MR1: variants seen among roughly 807,000 people sequenced by gnomAD.
MR1 encodes major histocompatibility complex class I-related protein 1.
MR1 carries 44 observed loss-of-function variants against 37.8 expected under a neutral mutation model. That is an observed-to-expected ratio of 1.16 (90% CI 0.91 to 1.50). The LOEUF (loss-of-function observed/expected upper bound fraction) is 1.50, where lower values mean the gene tolerates loss of function less well. Ranked by LOEUF, MR1 falls within the 40% of genes most tolerant of loss-of-function variation. MR1 has a pLI of 0.00. For synonymous variants in MR1, 153 were observed against 155.8 expected, an observed-to-expected ratio of 0.98 and a Z score of 0.13; for missense variants, 386 against 419.1, an observed-to-expected ratio of 0.92 and a Z score of 0.69.
Position 181,059,275 on chromosome 1 carries a change from T to A in MR1, c.*4010T>A, listed in dbSNP as rs577486139. On this transcript the variant is annotated 3_prime_UTR_variant, in exon 6 of 6. Coordinates refer to ENST00000367580, the MANE Select transcript of MR1 (RefSeq NM_001385161.1). Reference sequence around the variant, plus strand: ...ACCTCTCTTTCTTTGGAAATTGCCATCTTTGAGCATTGTATGTCTCTGTAA... The same window carrying A: ...ACCTCTCTTTCTTTGGAAATTGCCAACTTTGAGCATTGTATGTCTCTGTAA... 5 of 152,388 alleles carry A rather than the reference T, an allele frequency of 3.3e-5. No individual in the cohort carries two copies. The highest frequency in any genetic ancestry group is 2.0e-4 in the Admixed American group (3 of 15,300). The allele number at this position is 152,388 out of a possible 1,614,324, so 9.4% of individuals were successfully genotyped here.
At position 181,057,716 on chromosome 1, in the gene MR1, A is replaced by T. The variant is rs74541813; in HGVS notation, c.*2451A>T. The stretch of plus-strand genomic sequence containing the variant: ...AGAATCATAATATAAAGAGATGATT[A>T]AAAAAAAAATACTGCCGGGCACGGT... On this transcript the variant is annotated 3_prime_UTR_variant, in exon 6 of 6. Coordinates refer to ENST00000367580, the MANE Select transcript of MR1 (RefSeq NM_001385161.1). 1.3e-5 allele frequency: 2 copies of T among 149,948 alleles called. No individual in the cohort carries two copies. Among genetic ancestry groups the T allele is most frequent in the Non-Finnish European group, 3.0e-5 (2 of 67,284 alleles). 9.3% of individuals were successfully genotyped at this position (149,948 alleles called of 1,614,324 possible). A position where few individuals can be genotyped will look rare whatever the true frequency, so the allele number is the denominator to read the frequency against.
intron 4 of MR1, 105 bp downstream of exon 4, chr1:181,052,615 C>T (rs1658385795): frequency 7.9e-7 from 1 of 1,261,464 alleles, no homozygotes; most frequent in Admixed American, 2.4e-5. Context: ...CTGCCTCACT[C>T]AGTGTGCCTT....
Position 181,053,578 on chromosome 1 carries a change from G to C in MR1, c.886G>C (p.Glu296Gln). The change falls in exon 5 of 6, where the codon GAA becomes CAA. Residue 296 changes from glutamate (E) to glutamine (Q), a missense_variant. Coordinates refer to ENST00000367580, the MANE Select transcript of MR1 (RefSeq NM_001385161.1). ...HMVLQVPQES[E>Q]TIPLVMKAVS... is the part of the protein sequence containing the mutation. Reference sequence around the variant, plus strand: ...TCTCATTTGCTTGCTTTCAGAATCAGAAACTATCCCTCTTGTGATGAAAGC... The same window carrying C: ...TCTCATTTGCTTGCTTTCAGAATCACAAACTATCCCTCTTGTGATGAAAGC... The C allele has an allele frequency of 6.2e-7, 1 of 1,612,960 alleles. No individual in the cohort carries two copies. Among genetic ancestry groups the C allele is most frequent in the Non-Finnish European group, 8.5e-7 (1 of 1,179,046 alleles).
At chr1:181,042,096 T>C (rs766638620) in intron 1 of MR1, among the ~76,000 whole-genome samples, 1 of 152,028 alleles carries the variant, frequency 6.6e-6, no homozygotes, top group South Asian at 2.1e-4. Flanking sequence ...TGTGAAAAAA[T>C]AGAACTATTT....
At chr1:181,044,562 G>A (rs982511958) in intron 1 of MR1, among the ~76,000 whole-genome samples, 1 of 152,146 alleles carries the variant, frequency 6.6e-6, no homozygotes. Context: ...CGAGGAGTGC[G>A]TGAGGCTGAG....
At position 181,058,350 on chromosome 1, in the gene MR1, T is replaced by G. The variant is rs1404837042; in HGVS notation, c.*3085T>G. Reference sequence around the variant, plus strand: ...CTCCACTGTATTTATTACCTGTTTTTGTTTTTTTTGTTTGTTTGTTTTTGA... The same window carrying G: ...CTCCACTGTATTTATTACCTGTTTTGGTTTTTTTTGTTTGTTTGTTTTTGA... On this transcript the variant is annotated 3_prime_UTR_variant, in exon 6 of 6. Coordinates refer to ENST00000367580, the MANE Select transcript of MR1 (RefSeq NM_001385161.1). 6.7e-6 allele frequency: 1 copy of G among 150,116 alleles called. No homozygotes were observed. The highest frequency in any genetic ancestry group is 2.5e-5 in the African/African-American group (1 of 39,416). The allele number at this position is 150,116 out of a possible 1,614,324, so 9.3% of individuals were successfully genotyped here.
intron 1 of MR1, 79 bp from the exon 2 acceptor site, chr1:181,048,973 T>G: frequency 6.5e-7 from 1 of 1,541,360 alleles, no homozygotes; most frequent in East Asian, 2.3e-5. Context: ...GGAGCACTCG[T>G]GTGGGGCTAA....
At position 181,053,695 on chromosome 1, in the gene MR1, G is replaced by A; in HGVS notation, c.985+18G>A. On this transcript the variant is annotated intron_variant, in intron 5 of 5. Coordinates refer to ENST00000367580, the MANE Select transcript of MR1 (RefSeq NM_001385161.1). ...GCCCCGAGGTGAGAGGCACATGGAA[G>A]GGATCCAGGGGGCTGCAGACTCTCC... The A allele has an allele frequency of 1.3e-6, 2 of 1,528,882 alleles. No homozygotes were observed. The highest frequency in any genetic ancestry group is 1.7e-4 in the Middle Eastern group (1 of 5,882). The allele number at this position is 1,528,882 out of a possible 1,614,324, so 94.7% of individuals were successfully genotyped here. A position where few individuals can be genotyped will look rare whatever the true frequency, so the allele number is the denominator to read the frequency against.
At chr1:181,043,337 G>A (rs1023875219) in intron 1 of MR1, among the ~76,000 whole-genome samples, 29 of 152,348 alleles carry the variant, frequency 1.9e-4, no homozygotes, top group African/African-American at 6.0e-4. Context: ...TAACACCTGT[G>A]AGGGAGGAGC....
chr1:181,058,930 T>C lies in MR1; in HGVS notation c.*3665T>C, dbSNP rs1367122654. The C allele has an allele frequency of 6.6e-6, 1 of 152,228 alleles. No individual in the cohort carries two copies. Among genetic ancestry groups the C allele is most frequent in the Non-Finnish European group, 1.5e-5 (1 of 68,046 alleles). The allele number at this position is 152,228 out of a possible 1,614,324, so 9.4% of individuals were successfully genotyped here. On this transcript the variant is annotated 3_prime_UTR_variant, in exon 6 of 6. Coordinates refer to ENST00000367580, the MANE Select transcript of MR1 (RefSeq NM_001385161.1). ...CTACATAAGAACAACTAAATCACAATCTGTAGAGTGCTTGATGACCCCAGA... is the reference window on the plus strand; with the variant it reads ...CTACATAAGAACAACTAAATCACAACCTGTAGAGTGCTTGATGACCCCAGA...
chr1:181,046,259 G>T lies in MR1; in HGVS notation c.68-2793G>T, dbSNP rs549855528. 3.3e-5 allele frequency among the ~76,000 whole-genome samples: 5 copies of T among 152,386 alleles called. No individual in the cohort carries two copies. In the South Asian group the frequency reaches 1.0e-3, roughly 32 times the overall value. Reference sequence around the variant, plus strand: ...AGGCAGCTCCACCTGCAGCCCCAGTGGGGGATCCACTGGGTGAAGCCAGCT... The same window carrying T: ...AGGCAGCTCCACCTGCAGCCCCAGTTGGGGATCCACTGGGTGAAGCCAGCT... On this transcript the variant is annotated intron_variant, in intron 1 of 5. Transcript: ENST00000367580.
At chr1:181,042,480 C>T (rs1359407647) in intron 1 of MR1, among the ~76,000 whole-genome samples, 2 of 143,420 alleles carry the variant, frequency 1.4e-5, no homozygotes, top group African/African-American at 5.1e-5. Flanking sequence ...GGATTAGAGG[C>T]GTGAGCCACC....
chr1:181,045,269 A>G (rs112247220), intron 1 of MR1, among the ~76,000 whole-genome samples: 1 of 152,148 alleles, frequency 6.6e-6, no homozygotes, highest in Admixed American at 6.5e-5. Flanking sequence ...AGGCTTGGAC[A>G]TGGGCATCTG....
intron 1 of MR1, among the ~76,000 whole-genome samples, chr1:181,047,137 C>A (rs540725591): frequency 6.6e-6 from 1 of 152,032 alleles, no homozygotes; most frequent in Non-Finnish European, 1.5e-5. Flanking sequence ...CTTGGACAAG[C>A]GGAGAGAAGT....
intron 1 of MR1, among the ~76,000 whole-genome samples, chr1:181,038,396 C>T (rs555787923): frequency 3.3e-5 from 5 of 152,228 alleles, no homozygotes; most frequent in Admixed American, 3.3e-4. Context: ...CTTCTCCCCT[C>T]ATTCCCACGA....
chr1:181,047,596 C>T (rs1657969304), intron 1 of MR1, among the ~76,000 whole-genome samples: 1 of 149,524 alleles, frequency 6.7e-6, no homozygotes. Flanking sequence ...GAGACTCTGT[C>T]TCAAAAAAAT....
intron 3 of MR1, among the ~76,000 whole-genome samples, chr1:181,051,693 C>T (rs551375094): frequency 3.0e-4 from 46 of 152,254 alleles, no homozygotes; most frequent in Non-Finnish European, 8.8e-5. Flanking sequence ...TCAGTTTCTT[C>T]GAAGGCACAA....
intron 1 of MR1, among the ~76,000 whole-genome samples, chr1:181,041,898 G>T (rs942432562): frequency 6.6e-6 from 1 of 152,132 alleles, no homozygotes; most frequent in Non-Finnish European, 1.5e-5. Context: ...CATGAGGGCA[G>T]ACATTTTTAT....
At chr1:181,043,156 C>T (rs187347580) in intron 1 of MR1, among the ~76,000 whole-genome samples, 1 of 152,304 alleles carries the variant, frequency 6.6e-6, no homozygotes, top group East Asian at 1.9e-4. Flanking sequence ...CTCATGACTA[C>T]CCCAGAGGCT....
Sources: allele counts gnomAD v4.1 joint callset (sites outside exome capture counted in the v4.1 genomes callset), GRCh38; gene constraint gnomAD v4.1.1; transcripts MANE v1.5; gene names NCBI Gene and HGNC (gene_info 2026-07-23, HGNC 2026-07-21).